Variants in SPAG17 observed in about 807,000 individuals in gnomAD.
The protein encoded by SPAG17 is sperm associated antigen 17.
A neutral mutation model predicts 273.6 loss-of-function variants in SPAG17; 169 were observed. The observed-to-expected ratio is 0.62, with a 90% CI of 0.55 to 0.70. The LOEUF (loss-of-function observed/expected upper bound fraction) is 0.70. SPAG17 is among the 30% of genes least tolerant of loss of function. The pLI is 0.00. For synonymous variants in SPAG17, 825 were observed against 873.2 expected (o/e 0.94, Z 0.97); for missense variants, 2,557 against 2,627.8 (o/e 0.97, Z 0.59).
intron 45 of SPAG17, among the ~76,000 whole-genome samples, chr1:117,970,951 AT>A: frequency 6.6e-6 from 1 of 152,224 alleles, no homozygotes; most frequent in African/African-American, 2.4e-5. Context: ...TCCACATCAG[AT>A]TGTTTCTCAG....
intron 36 of SPAG17, among the ~76,000 whole-genome samples, chr1:117,992,110 G>A (rs10923463): frequency 0.11 from 16,858 of 151,970 alleles, 2,630 homozygotes; most frequent in African/African-American, 0.35. Context: ...TTCTTAGACC[G>A]CTTCCAAAGG....
chr1:118,068,744 C>A (rs1653245562), intron 17 of SPAG17, among the ~76,000 whole-genome samples: 1 of 152,006 alleles, frequency 6.6e-6, no homozygotes, highest in Non-Finnish European at 1.5e-5. Context: ...CAAAAATAAA[C>A]AAAATAGATA....
At position 118,101,753 on chromosome 1, in the gene SPAG17, G is replaced by A; in HGVS notation, c.621C>T (p.Thr207=). The A allele has an allele frequency of 6.2e-7, 1 of 1,613,168 alleles. No homozygotes were observed. Among genetic ancestry groups the A allele is most frequent in the East Asian group, 2.2e-5 (1 of 44,866 alleles). Residue 207 remains threonine (T), a synonymous_variant, in exon 5 of 49, where the codon ACC becomes ACT. Coordinates refer to ENST00000336338, the MANE Select transcript of SPAG17 (RefSeq NM_206996.4). The part of the protein sequence containing the change: ...QLKRRGEDDH[T]NRYIDDEPDD... ...CACCTTACTGACCAATGTAACGATT[G>A]GTGTGGTCGTCTTCTCCTCTCCGCT...
At chr1:118,133,007 G>A (rs1015330716) in intron 3 of SPAG17, among the ~76,000 whole-genome samples, 4 of 152,036 alleles carry the variant, frequency 2.6e-5, no homozygotes, top group Admixed American at 6.5e-5. Flanking sequence ...TCTTGCCGTC[G>A]TGATCTGCCC....
chr1:117,982,002 G>A (rs562036819), intron 42 of SPAG17, among the ~76,000 whole-genome samples: 5 of 152,262 alleles, frequency 3.3e-5, no homozygotes, highest in Admixed American at 1.3e-4. Flanking sequence ...TTCAAGAGGA[G>A]AATAAGCAGT....
intron 3 of SPAG17, among the ~76,000 whole-genome samples, chr1:118,139,884 T>C (rs990516563): frequency 1.3e-5 from 2 of 152,164 alleles, no homozygotes; most frequent in South Asian, 2.1e-4. Context: ...GGCAGTATGA[T>C]AGGTGGGACC....
intron 3 of SPAG17, among the ~76,000 whole-genome samples, chr1:118,124,708 C>T (rs746969298): frequency 3.3e-5 from 5 of 152,204 alleles, no homozygotes; most frequent in Admixed American, 1.3e-4. Context: ...TTAATTTTCA[C>T]CTACACTTTT....
At chr1:118,148,181 G>C (rs76223746) in intron 3 of SPAG17, among the ~76,000 whole-genome samples, 1 of 151,948 alleles carries the variant, frequency 6.6e-6, no homozygotes, top group East Asian at 1.9e-4. Flanking sequence ...CAAGACTTTC[G>C]CTCCTCAGGA....
intron 1 of SPAG17, among the ~76,000 whole-genome samples, chr1:118,176,261 A>G (rs1400850830): frequency 6.6e-6 from 1 of 152,186 alleles, no homozygotes; most frequent in Non-Finnish European, 1.5e-5. Context: ...AATTGACTCA[A>G]TTCTCTAATT....
At chr1:118,133,322 G>A (rs530076318) in intron 3 of SPAG17, among the ~76,000 whole-genome samples, 12 of 152,184 alleles carry the variant, frequency 7.9e-5, no homozygotes, top group Admixed American at 4.6e-4. Flanking sequence ...AGAGTTTATC[G>A]TTGAGGAGGG....
At chr1:118,175,554 C>T (rs538389266) in intron 1 of SPAG17, among the ~76,000 whole-genome samples, 33 of 139,090 alleles carry the variant, frequency 2.4e-4, no homozygotes, top group Middle Eastern at 4.0e-3. Flanking sequence ...AGGAGGGATT[C>T]GGGTGACATT....
chr1:117,984,568 G>T, intron 41 of SPAG17, 115 bp downstream of exon 41: 1 of 665,642 alleles, frequency 1.5e-6, no homozygotes, highest in Non-Finnish European at 2.5e-6. Context: ...AGTCAGCCAG[G>T]TCGATGCAGG....
chr1:118,174,949 T>C (rs1660615826), intron 1 of SPAG17, among the ~76,000 whole-genome samples: 1 of 152,176 alleles, frequency 6.6e-6, no homozygotes, highest in South Asian at 2.1e-4. Context: ...TAAATAATGA[T>C]ATCTAAAACT....
chr1:118,100,371 T>C (rs996769299), intron 5 of SPAG17, among the ~76,000 whole-genome samples: 12 of 152,208 alleles, frequency 7.9e-5, no homozygotes, highest in African/African-American at 2.9e-4. Context: ...TTTCCTAACA[T>C]TTTTCTCCTT....
chr1:118,035,513 G>A (rs1441709820), intron 24 of SPAG17, among the ~76,000 whole-genome samples: 2 of 151,982 alleles, frequency 1.3e-5, no homozygotes, highest in African/African-American at 4.8e-5. Flanking sequence ...CAAAGGCAAA[G>A]GCAAAATTAA....
At position 118,147,662 on chromosome 1, in the gene SPAG17, T is replaced by C. The variant is rs889306876; in HGVS notation, c.315+2881A>G. On this transcript the variant is annotated intron_variant, in intron 3 of 48. Coordinates refer to ENST00000336338, the MANE Select transcript of SPAG17 (RefSeq NM_206996.4). ...TAAATAAAGACTTTCATATATACAA[T>C]GCCATGGCTAGATGAAATTCTAAGG... Among the ~76,000 whole-genome samples the C allele has an allele frequency of 7.2e-5, 11 of 152,324 alleles. No individual in the cohort carries two copies. The East Asian group carries it at 2.1e-3, about 29-fold the overall frequency.
rs779943850 is a variant in SPAG17 at position 118,039,345 on chromosome 1, T to G, written c.3266A>C (p.Asp1089Ala). ...KEIVKKEEKG[D>A]YYLEEEEEGD... is the part of the protein sequence containing the mutation. ...TTCTTCTTCCTCTTCTAAATAATAA[T>G]CCCCTTTCTCTTCCTTTTTCACAAT... Residue 1089 changes from aspartate to alanine, a missense_variant, in exon 23 of 49, where the codon GAT becomes GCT. Transcript: ENST00000336338. 1.2e-6 allele frequency: 2 copies of G among 1,613,334 alleles called. No individual in the cohort carries two copies. Among genetic ancestry groups the G allele is most frequent in the Non-Finnish European group, 1.7e-6 (2 of 1,179,618 alleles).
At chr1:118,115,537 T>G in intron 3 of SPAG17, 96 bp from the exon 4 acceptor site, 1 of 1,266,750 alleles carries the variant, frequency 7.9e-7, no homozygotes, top group Non-Finnish European at 1.1e-6. Flanking sequence ...TTATATTATT[T>G]GTCATACTGG....
chr1:118,142,066 G>C (rs907452976), intron 3 of SPAG17, among the ~76,000 whole-genome samples: 1 of 150,872 alleles, frequency 6.6e-6, no homozygotes, highest in African/African-American at 2.4e-5. Flanking sequence ...GCAGAGCTAA[G>C]AGGTGGAAGC....
Sources: allele counts gnomAD v4.1 joint callset (sites outside exome capture counted in the v4.1 genomes callset), GRCh38; gene constraint gnomAD v4.1.1; transcripts MANE v1.5; gene names NCBI Gene and HGNC (gene_info 2026-07-23, HGNC 2026-07-21).